The following LRRK1 variants were observed in gnomAD, a reference collection of about 807,000 sequenced individuals.
The protein encoded by LRRK1 is leucine rich repeat kinase 1, also known as leucine-rich repeat serine/threonine-protein kinase 1.
A neutral mutation model predicts 209.1 loss-of-function variants in LRRK1; 113 were observed. The observed-to-expected ratio is 0.54, with a 90% CI of 0.46 to 0.63. The LOEUF (loss-of-function observed/expected upper bound fraction) is 0.63. Ranked by LOEUF, LRRK1 falls within the 30% of genes least tolerant of loss-of-function variation. LRRK1 has a pLI of 0.00. For missense variants in LRRK1, 2,284 were observed against 2,632.2 expected (o/e 0.87, Z 2.89); for synonymous variants, 1,144 against 1,099.7 (o/e 1.04, Z -0.80).
At chr15:100,941,719 G>C (rs2042441681) in intron 2 of LRRK1, among the ~76,000 whole-genome samples, 1 of 152,214 alleles carries the variant, frequency 6.6e-6, no homozygotes, top group Non-Finnish European at 1.5e-5. Flanking sequence ...GACTGTAGCA[G>C]GCTGCCTTGG....
chr15:100,942,265 AG>A (rs2042454384), intron 2 of LRRK1, among the ~76,000 whole-genome samples: 1 of 152,320 alleles, frequency 6.6e-6, no homozygotes, highest in African/African-American at 2.4e-5. Flanking sequence ...TATCTGTGAC[AG>A]GGGCAGGGTT....
In LRRK1 at chr15:100,972,351, AGAGAGAGAGAGAGTGTGT is replaced by A. The variant is rs2030955429; in HGVS notation, c.98-1451_98-1434del. Among the ~76,000 whole-genome samples, 5 of 133,690 alleles carry A rather than the reference AGAGAGAGAGAGAGTGTGT, an allele frequency of 3.7e-5. No individual in the cohort carries two copies. In the South Asian group the frequency reaches 1.0e-3, roughly 27 times the overall value. The allele number at this position is 133,690 out of a possible 152,430, so 87.7% of individuals were successfully genotyped here. ...ATATATATATGAGAGAGAGAGAGAG[AGAGAGAGAGAGAGTGTGT>A]GTGTGTGTGTGTGTGTGTGTGTGTG... is the stretch of plus-strand genomic sequence containing the variant. On this transcript the variant is annotated intron_variant, in intron 2 of 33. Coordinates refer to ENST00000388948, the MANE Select transcript of LRRK1 (RefSeq NM_024652.6).
chr15:101,001,535 G>T (rs1047954489), intron 6 of LRRK1, among the ~76,000 whole-genome samples: 1 of 152,072 alleles, frequency 6.6e-6, no homozygotes, highest in African/African-American at 2.4e-5. Flanking sequence ...TTACTTCTGC[G>T]TATCAGAATG....
At chr15:100,948,995 A>C (rs1402756673) in intron 2 of LRRK1, among the ~76,000 whole-genome samples, 1 of 152,132 alleles carries the variant, frequency 6.6e-6, no homozygotes, top group African/African-American at 2.4e-5. Context: ...AACCGAAAGC[A>C]AGTAGAAGGA....
At chr15:100,967,647 C>T (rs2030553670) in intron 2 of LRRK1, among the ~76,000 whole-genome samples, 1 of 151,408 alleles carries the variant, frequency 6.6e-6, no homozygotes, top group Non-Finnish European at 1.5e-5. Flanking sequence ...CTCATATTTT[C>T]TCCCAACATT....
At chr15:100,945,563 G>A (rs1260593451) in intron 2 of LRRK1, among the ~76,000 whole-genome samples, 4 of 127,898 alleles carry the variant, frequency 3.1e-5, no homozygotes, top group African/African-American at 6.1e-5. Flanking sequence ...GCACAACCTC[G>A]GCTCACTGCA....
chr15:101,012,673 C>T (rs936164688), intron 10 of LRRK1, among the ~76,000 whole-genome samples: 8 of 152,118 alleles, frequency 5.3e-5, no homozygotes, highest in African/African-American at 1.9e-4. Context: ...CTTCAGCCCC[C>T]GGTCCTGCCA....
intron 2 of LRRK1, among the ~76,000 whole-genome samples, chr15:100,971,450 G>T (rs1169937100): frequency 1.3e-5 from 2 of 152,162 alleles, no homozygotes; most frequent in African/African-American, 4.8e-5. Context: ...GGTTTAGCTT[G>T]AGAGCTGGGA....
At chr15:101,036,628 G>A (rs1411856594) in intron 20 of LRRK1, among the ~76,000 whole-genome samples, 1 of 152,042 alleles carries the variant, frequency 6.6e-6, no homozygotes, top group African/African-American at 2.4e-5. Flanking sequence ...TGATTAGGCT[G>A]TATGGCTGGA....
At chr15:101,040,404 C>T (rs921798405) in intron 20 of LRRK1, among the ~76,000 whole-genome samples, 1 of 151,398 alleles carries the variant, frequency 6.6e-6, no homozygotes, top group Admixed American at 6.6e-5. Context: ...TATGTCTTTT[C>T]TCTCATTCTT....
intron 20 of LRRK1, among the ~76,000 whole-genome samples, chr15:101,037,347 CAGG>C (rs944530163): frequency 5.0e-4 from 76 of 152,288 alleles, no homozygotes; most frequent in African/African-American, 1.8e-3. Flanking sequence ...CTTAGGCCCT[CAGG>C]AGAAGTGGTC....
rs2037034107 is a variant in LRRK1, at chr15:101,077,826, A to G, written c.*8978A>G. The G allele has an allele frequency of 6.6e-6, 1 of 152,178 alleles. No individual in the cohort carries two copies. Among genetic ancestry groups the G allele is most frequent in the Non-Finnish European group, 1.5e-5 (1 of 68,060 alleles). 9.4% of individuals were successfully genotyped at this position (152,178 alleles called of 1,614,324 possible). ...TTTGTTTTATTTTTCTTATTAATAT[A>G]AGAAGGCAGGAATGTCAGGCCTCTG... is the stretch of plus-strand genomic sequence containing the variant. On this transcript the variant is annotated 3_prime_UTR_variant, in exon 34 of 34. Coordinates refer to ENST00000388948, the MANE Select transcript of LRRK1 (RefSeq NM_024652.6).
chr15:100,949,440 C>A (rs1457009748), intron 2 of LRRK1, among the ~76,000 whole-genome samples: 1 of 152,154 alleles, frequency 6.6e-6, no homozygotes, highest in Non-Finnish European at 1.5e-5. Flanking sequence ...CTGGTGAATT[C>A]TACCAAACAT....
Position 101,069,050 on chromosome 15 carries a change from T to A in LRRK1, c.*202T>A. 2.1e-6 allele frequency: 1 copy of A among 487,454 alleles called. No individual in the cohort carries two copies. The highest frequency in any genetic ancestry group is 3.6e-6 in the Non-Finnish European group (1 of 280,140). 30.2% of individuals were successfully genotyped at this position (487,454 alleles called of 1,614,324 possible). A position where few individuals can be genotyped will look rare whatever the true frequency, so the allele number is the denominator to read the frequency against. Reference sequence around the variant, plus strand: ...TCTGGTTCTCTGGAGCAGAGTTCTCTGAATACCCCATCCCCCAACTGCTGA... The same window carrying A: ...TCTGGTTCTCTGGAGCAGAGTTCTCAGAATACCCCATCCCCCAACTGCTGA... On this transcript the variant is annotated 3_prime_UTR_variant, in exon 34 of 34. Transcript: ENST00000388948.
At chr15:101,058,993 T>C (rs1401751852) in intron 29 of LRRK1, among the ~76,000 whole-genome samples, 2 of 152,158 alleles carry the variant, frequency 1.3e-5, no homozygotes, top group Admixed American at 6.5e-5. Context: ...CGGAACAGAC[T>C]TCGCAGTTTC....
intron 2 of LRRK1, among the ~76,000 whole-genome samples, chr15:100,953,486 T>C (rs1567197817): frequency 7.2e-6 from 1 of 139,084 alleles, no homozygotes; most frequent in East Asian, 2.1e-4. Flanking sequence ...TAGTATTCCA[T>C]TGTGTGTGTG....
intron 6 of LRRK1, among the ~76,000 whole-genome samples, chr15:101,006,250 T>C (rs1375479733): frequency 2.0e-5 from 3 of 151,860 alleles, no homozygotes; most frequent in Admixed American, 6.6e-5. Flanking sequence ...ATCTAAACTT[T>C]AGGAAAAACT....
intron 2 of LRRK1, among the ~76,000 whole-genome samples, chr15:100,949,510 A>G (rs913057634): frequency 2.7e-4 from 41 of 152,220 alleles, no homozygotes; most frequent in Admixed American, 1.8e-3. Context: ...ATGGAAGAAT[A>G]CTTCCCAATT....
chr15:100,970,963 A>T (rs1156701088), intron 2 of LRRK1, among the ~76,000 whole-genome samples: 1 of 152,104 alleles, frequency 6.6e-6, no homozygotes. Context: ...CAATTTTTCA[A>T]TGTTAACTGC....
Sources: gnomAD v4.1 joint callset for allele counts (sites outside exome capture counted in the v4.1 genomes callset) on GRCh38, gnomAD v4.1.1 for gene constraint, MANE v1.5 for transcripts, NCBI Gene and HGNC (gene_info 2026-07-23, HGNC 2026-07-21) for gene names.